Variants in EIF2AK3 observed in about 807,000 individuals in gnomAD.
The protein encoded by EIF2AK3 is eukaryotic translation initiation factor 2 alpha kinase 3.
In EIF2AK3, 50 loss-of-function variants were observed where a neutral mutation model predicts 113.5. The observed-to-expected ratio is 0.44, with a 90% CI of 0.35 to 0.56. The LOEUF (loss-of-function observed/expected upper bound fraction) is 0.56, where lower values mean the gene tolerates loss of function less well. Ranked by LOEUF, EIF2AK3 falls within the 20% of genes least tolerant of loss-of-function variation. EIF2AK3 has a pLI of 0.00. For missense variants in EIF2AK3, 1,185 were observed against 1,378.0 expected (o/e 0.86, Z 2.22); for synonymous variants, 448 against 495.4 (o/e 0.90, Z 1.27).
intron 8 of EIF2AK3, 134 bp from the exon 9 acceptor site, chr2:88,586,195 G>A (rs1326179529): frequency 9.9e-6 from 7 of 704,732 alleles, no homozygotes; most frequent in Non-Finnish European, 1.2e-5. Context: ...CTTCTTTAAC[G>A]TATTTTAAAC....
At chr2:88,613,244 T>C (rs1675496666) in intron 2 of EIF2AK3, among the ~76,000 whole-genome samples, 1 of 152,200 alleles carries the variant, frequency 6.6e-6, no homozygotes, top group African/African-American at 2.4e-5. Context: ...GTACACTTTT[T>C]CTGCAAATAA....
At chr2:88,589,639 TATAA>T (rs1254989240) in intron 6 of EIF2AK3, among the ~76,000 whole-genome samples, 2 of 149,692 alleles carry the variant, frequency 1.3e-5, no homozygotes, top group African/African-American at 4.9e-5. Context: ...TGTAATTACA[TATAA>T]ATAATTATAT....
At chr2:88,601,200 T>C (rs1282022094) in intron 2 of EIF2AK3, among the ~76,000 whole-genome samples, 26 of 152,242 alleles carry the variant, frequency 1.7e-4, no homozygotes, top group Admixed American at 1.7e-3. Flanking sequence ...TCAACCCCTT[T>C]GTTATGCACT....
intron 14 of EIF2AK3, among the ~76,000 whole-genome samples, chr2:88,565,038 GT>G (rs778449349): frequency 0.035 from 4,918 of 139,992 alleles, 88 homozygotes; most frequent in Middle Eastern, 0.1. Flanking sequence ...TTAAAAAGGT[GT>G]TTTTTTTTTT....
At chr2:88,582,698 G>A (rs1179454493) in intron 10 of EIF2AK3, among the ~76,000 whole-genome samples, 1 of 151,670 alleles carries the variant, frequency 6.6e-6, no homozygotes, top group Non-Finnish European at 1.5e-5. Flanking sequence ...TCCTTGGAGG[G>A]CCCCAATATA....
At chr2:88,559,174 T>C (rs552568432) in intron 15 of EIF2AK3, among the ~76,000 whole-genome samples, 195 bp from the exon 16 acceptor site, 1 of 152,306 alleles carries the variant, frequency 6.6e-6, no homozygotes, top group South Asian at 2.1e-4. Flanking sequence ...CCTCAAAATA[T>C]ACAGCTGGTC....
chr2:88,570,930 C>T lies in EIF2AK3; in HGVS notation c.2929G>A (p.Ala977Thr). 1 of 1,614,138 alleles carries T rather than the reference C, an allele frequency of 6.2e-7. No homozygotes were observed. ...EEQTVLTPMP[A>T]YARHTGQVGT... ...ACTTGTCCTGTGTGTCTGGCATAAG[C>T]TGGCATTGGGGTCAGAACCGTCTGC... The change falls in exon 14 of 17, where the codon GCT becomes ACT. Residue 977 changes from alanine (A) to threonine (T), a missense_variant. Ala to Thr is a moderately conservative substitution (Grantham distance 58). Coordinates refer to ENST00000303236, the MANE Select transcript of EIF2AK3 (RefSeq NM_004836.7).
At chr2:88,613,566 C>T (rs1675502548) in intron 2 of EIF2AK3, among the ~76,000 whole-genome samples, 158 bp downstream of exon 2, 1 of 152,140 alleles carries the variant, frequency 6.6e-6, no homozygotes. Context: ...AAGAGGGGAA[C>T]TGAGGAATAG....
chr2:88,609,473 A>G (rs552825084), intron 2 of EIF2AK3, among the ~76,000 whole-genome samples: 27 of 152,260 alleles, frequency 1.8e-4, no homozygotes, highest in Non-Finnish European at 2.9e-4. Flanking sequence ...AAACAGAGAC[A>G]GTTCCACTTA....
At chr2:88,620,644 C>G (rs977823481) in intron 1 of EIF2AK3, among the ~76,000 whole-genome samples, 6 of 152,212 alleles carry the variant, frequency 3.9e-5, no homozygotes, top group Admixed American at 3.9e-4. Flanking sequence ...AACCACTGCT[C>G]TGTGCTCACT....
intron 11 of EIF2AK3, among the ~76,000 whole-genome samples, chr2:88,579,268 T>C (rs1430744925): frequency 6.6e-6 from 1 of 152,216 alleles, no homozygotes; most frequent in Non-Finnish European, 1.5e-5. Flanking sequence ...ACAGTTATTA[T>C]AAGCCACTAA....
chr2:88,574,795 G>A lies in EIF2AK3; in HGVS notation c.2688C>T (p.Leu896=). 6.2e-7 allele frequency: 1 copy of A among 1,614,158 alleles called. No individual in the cohort carries two copies. Among genetic ancestry groups the A allele is most frequent in the Non-Finnish European group, 8.5e-7 (1 of 1,180,018 alleles). ...TACATCGTCCATTCATCCAGTCTTT[G>A]AGGTTTTCTTTTCTGCACAGCTGCA... The part of the protein sequence containing the change: ...IQMQLCRKEN[L]KDWMNGRCTI... Residue 896 remains leucine (L), a synonymous_variant, in exon 13 of 17, where the codon CTC becomes CTT. Coordinates refer to ENST00000303236, the MANE Select transcript of EIF2AK3 (RefSeq NM_004836.7).
intron 2 of EIF2AK3, among the ~76,000 whole-genome samples, 182 bp downstream of exon 2, chr2:88,613,542 C>T (rs1675501944): frequency 6.6e-6 from 1 of 152,086 alleles, no homozygotes; most frequent in Admixed American, 6.6e-5. Flanking sequence ...ATGTTATTAT[C>T]CATCTCATTT....
chr2:88,582,341 T>G (rs1674620780), intron 10 of EIF2AK3, among the ~76,000 whole-genome samples: 1 of 152,146 alleles, frequency 6.6e-6, no homozygotes, highest in Non-Finnish European at 1.5e-5. Flanking sequence ...TCATGCCTTG[T>G]GATTAAGGTC....
chr2:88,623,710 G>A (rs1471072134), intron 1 of EIF2AK3, among the ~76,000 whole-genome samples: 1 of 151,996 alleles, frequency 6.6e-6, no homozygotes, highest in Non-Finnish European at 1.5e-5. Context: ...TTTTTTAAGA[G>A]CATTTAGAAA....
chr2:88,560,920 A>G (rs1358976456), intron 15 of EIF2AK3, among the ~76,000 whole-genome samples: 1 of 152,134 alleles, frequency 6.6e-6, no homozygotes, highest in Non-Finnish European at 1.5e-5. Flanking sequence ...TAAACTTTGA[A>G]AATATGGAGA....
intron 2 of EIF2AK3, among the ~76,000 whole-genome samples, chr2:88,610,734 ATTTC>A (rs1293975757): frequency 6.6e-6 from 1 of 152,124 alleles, no homozygotes; most frequent in Non-Finnish European, 1.5e-5. Flanking sequence ...GTTTATTGTT[ATTTC>A]TTTAATAAAA....
At chr2:88,563,946 CT>C (rs1186070256) in intron 14 of EIF2AK3, among the ~76,000 whole-genome samples, 1 of 152,054 alleles carries the variant, frequency 6.6e-6, no homozygotes, top group Non-Finnish European at 1.5e-5. Context: ...TGTCCCTATA[CT>C]TTCTGTATTC....
chr2:88,574,585 C>T (rs2104409982), intron 13 of EIF2AK3, 81 bp downstream of exon 13: 3 of 1,520,134 alleles, frequency 2.0e-6, no homozygotes, highest in South Asian at 2.3e-5. Context: ...TCTTAAGGAT[C>T]CTTCAGAGTA....
Sources: allele counts gnomAD v4.1 joint callset (sites outside exome capture counted in the v4.1 genomes callset), GRCh38; gene constraint gnomAD v4.1.1; transcripts MANE v1.5; gene names NCBI Gene and HGNC (gene_info 2026-07-23, HGNC 2026-07-21).